PCDHA10: variants seen among roughly 807,000 people sequenced by gnomAD.
PCDHA10 encodes protocadherin alpha-10.
A neutral mutation model predicts 61.2 loss-of-function variants in PCDHA10; 45 were observed. The ratio of observed to expected loss-of-function variants is 0.74; its 90% CI spans 0.58 to 0.94. The LOEUF (loss-of-function observed/expected upper bound fraction) is 0.94, where lower values mean the gene tolerates loss of function less well. Among genes scored for constraint, PCDHA10 ranks in the 40% least tolerant of loss-of-function variants. The pLI, the probability that PCDHA10 is intolerant of heterozygous loss-of-function variation, is 0.00. For synonymous variants in PCDHA10, 602 were observed against 548.8 expected (o/e 1.10, Z -1.35); for missense variants, 1,278 against 1,236.2 (o/e 1.03, Z -0.51).
chr5:140,909,061 A>G (rs2074290709), intron 1 of PCDHA10, among the ~76,000 whole-genome samples: 2 of 152,188 alleles, frequency 1.3e-5, no homozygotes, highest in African/African-American at 4.8e-5. Context: ...CAAATGTCTC[A>G]CCAATAAGCC....
chr5:141,005,691 A>G (rs1481537036), intron 3 of PCDHA10, among the ~76,000 whole-genome samples: 1 of 134,408 alleles, frequency 7.4e-6, no homozygotes, highest in Non-Finnish European at 1.6e-5. Flanking sequence ...GACAGAGCGA[A>G]ACTCCGTCTC....
chr5:140,900,437 C>T (rs1284375985), intron 1 of PCDHA10, among the ~76,000 whole-genome samples: 4 of 152,148 alleles, frequency 2.6e-5, no homozygotes, highest in African/African-American at 9.7e-5. Flanking sequence ...GCCACCACGG[C>T]CGGCTAATTT....
At chr5:140,892,803 A>T (rs1554185373) in intron 1 of PCDHA10, among the ~76,000 whole-genome samples, 1 of 152,174 alleles carries the variant, frequency 6.6e-6, no homozygotes. Context: ...ATTATAGTTA[A>T]CCATATTTAT....
intron 1 of PCDHA10, among the ~76,000 whole-genome samples, chr5:140,937,911 CAAAA>C (rs200797202): frequency 8.5e-6 from 1 of 117,894 alleles, no homozygotes; most frequent in Non-Finnish European, 1.9e-5. Context: ...GACTCCGTCT[CAAAA>C]AAAAAAAAAA....
Position 140,857,734 on chromosome 5 carries a change from C to G in PCDHA10, c.1686C>G (p.Pro562=). ...VFVLDENDNA[P]ALLASPAGSA... The stretch of plus-strand genomic sequence containing the variant: ...TGCTGGACGAGAACGACAACGCTCC[C>G]GCGCTGCTGGCGTCTCCCGCTGGCA... The change falls in exon 1 of 4, where the codon CCC becomes CCG. Residue 562 remains proline (P), a synonymous_variant. Coordinates refer to ENST00000307360, the MANE Select transcript of PCDHA10 (RefSeq NM_018901.4). 3.1e-6 allele frequency: 5 copies of G among 1,597,392 alleles called. No homozygotes were observed. The highest frequency in any genetic ancestry group is 4.3e-6 in the Non-Finnish European group (5 of 1,167,674).
At position 140,858,129 on chromosome 5, in the gene PCDHA10, T is replaced by A. The variant is rs1258479453; in HGVS notation, c.2081T>A (p.Val694Asp). 6.3e-7 allele frequency: 1 copy of A among 1,597,464 alleles called. No homozygotes were observed. Among genetic ancestry groups the A allele is most frequent in the Non-Finnish European group, 8.6e-7 (1 of 1,167,506 alleles). Residue 694 changes from valine (V) to aspartate (D), a missense_variant, in exon 1 of 4, where the codon GTC (valine) becomes GAC (aspartate). Transcript: ENST00000307360. ...GCGCCCGAGGTGGCCCTGGTGGATG[T>A]CAACGTGTACCTGATCATCGCCATC... ...GVAPEVALVD[V>D]NVYLIIAICA...
At chr5:141,004,179 G>A (rs2098156608) in intron 3 of PCDHA10, among the ~76,000 whole-genome samples, 1 of 152,206 alleles carries the variant, frequency 6.6e-6, no homozygotes, top group Non-Finnish European at 1.5e-5. Flanking sequence ...CAAGTGTCTT[G>A]AGTGCTCTTA....
intron 1 of PCDHA10, among the ~76,000 whole-genome samples, chr5:140,924,578 T>C (rs80037494): frequency 0.013 from 2,025 of 152,202 alleles, 55 homozygotes; most frequent in Admixed American, 0.052. Flanking sequence ...TTAAATGTTT[T>C]CAAATATTAT....
chr5:140,904,738 A>T (rs1373664313), intron 1 of PCDHA10, among the ~76,000 whole-genome samples: 1 of 152,012 alleles, frequency 6.6e-6, no homozygotes, highest in African/African-American at 2.4e-5. Context: ...TTATTTTTTT[A>T]TTATGACCAT....
chr5:140,862,460 A>G (rs1554156366), intron 1 of PCDHA10: 2 of 368,076 alleles, frequency 5.4e-6, no homozygotes, highest in African/African-American at 2.1e-5. Context: ...CCCTGGACCA[A>G]GAGAGCAAAT....
intron 1 of PCDHA10, among the ~76,000 whole-genome samples, chr5:140,915,296 A>G (rs556254508): frequency 6.6e-6 from 1 of 152,086 alleles, no homozygotes; most frequent in East Asian, 1.9e-4. Flanking sequence ...TCTACTTAAG[A>G]TAAGTTTACA....
intron 1 of PCDHA10, chr5:140,862,866 GC>G (rs11321479): frequency 0.66 from 374,898 of 571,004 alleles, 123,608 homozygotes; most frequent in Middle Eastern, 0.71. Context: ...ATGTGACGCT[GC>G]CAGGTATTAG....
intron 3 of PCDHA10, among the ~76,000 whole-genome samples, chr5:140,990,314 CCAAA>C (rs2097387288): frequency 6.6e-6 from 1 of 152,212 alleles, no homozygotes; most frequent in Non-Finnish European, 1.5e-5. Context: ...AAAAAACCAA[CCAAA>C]CAAACTTTAA....
intron 1 of PCDHA10, among the ~76,000 whole-genome samples, chr5:140,951,337 G>C (rs1346350844): frequency 6.6e-6 from 1 of 151,970 alleles, no homozygotes; most frequent in Non-Finnish European, 1.5e-5. Context: ...CATTCTGTTT[G>C]TGTTAGTCCA....
chr5:140,892,910 C>T (rs1206176408), intron 1 of PCDHA10, among the ~76,000 whole-genome samples: 1 of 152,164 alleles, frequency 6.6e-6, no homozygotes, highest in Non-Finnish European at 1.5e-5. Context: ...TCCTCCTTTT[C>T]CTTCACCCTT....
At chr5:141,003,913 T>C (rs1554259375) in intron 3 of PCDHA10, among the ~76,000 whole-genome samples, 1 of 152,206 alleles carries the variant, frequency 6.6e-6, no homozygotes, top group African/African-American at 2.4e-5. Flanking sequence ...GGGTCTTGAC[T>C]GCATCCTCAG....
Position 140,857,387 on chromosome 5 carries a change from G to A in PCDHA10, c.1339G>A (p.Val447Met), listed in dbSNP as rs369919324. 2.5e-6 allele frequency: 4 copies of A among 1,598,586 alleles called. No homozygotes were observed. Among genetic ancestry groups the A allele is most frequent in the Admixed American group, 1.7e-5 (1 of 59,356 alleles). ...CAGCGTGTCTGTGGAGGTGGCCGAC[G>A]TGAACGACAACGCGCCTGCGTTCGC... ...TASVSVEVAD[V>M]NDNAPAFAQS... The change falls in exon 1 of 4, where the codon GTG (valine) becomes ATG (methionine). Residue 447 changes from valine to methionine, a missense_variant. Transcript: ENST00000307360.
Position 140,857,595 on chromosome 5 carries a change from T to C in PCDHA10, c.1547T>C (p.Val516Ala). Reference sequence around the variant, plus strand: ...TCGGTGCACGCGGAGAGCGGCAAGGTGTACGCGCTGCAGCCGCTGGACCAC... The same window carrying C: ...TCGGTGCACGCGGAGAGCGGCAAGGCGTACGCGCTGCAGCCGCTGGACCAC... ...YVSVHAESGK[V>A]YALQPLDHEE... The change falls in exon 1 of 4, where the codon GTG (valine) becomes GCG (alanine). Residue 516 changes from valine (V) to alanine (A), a missense_variant. Transcript: ENST00000307360. 2 of 1,595,942 alleles carry C rather than the reference T, an allele frequency of 1.3e-6. No homozygotes were observed. The highest frequency in any genetic ancestry group is 1.7e-6 in the Non-Finnish European group (2 of 1,167,528).
intron 1 of PCDHA10, chr5:140,882,819 A>G: frequency 6.2e-7 from 1 of 1,614,244 alleles, no homozygotes; most frequent in Non-Finnish European, 8.5e-7. Flanking sequence ...GACGCACAAA[A>G]CAGTCTTGAG....
Sources: gnomAD v4.1 joint callset for allele counts (sites outside exome capture counted in the v4.1 genomes callset) on GRCh38, gnomAD v4.1.1 for gene constraint, MANE v1.5 for transcripts, NCBI Gene and HGNC (gene_info 2026-07-23, HGNC 2026-07-21) for gene names.